The following USP32 variants were observed in gnomAD, a reference collection of about 807,000 sequenced individuals.
USP32 encodes ubiquitin specific peptidase 32.
USP32 carries 59 observed loss-of-function variants against 204.8 expected under a neutral mutation model. That is an observed-to-expected ratio of 0.29 (90% CI 0.23 to 0.36). The LOEUF (loss-of-function observed/expected upper bound fraction) is 0.36, where lower values mean the gene tolerates loss of function less well. USP32 is among the 10% of genes least tolerant of loss of function. The pLI, the probability that USP32 is intolerant of heterozygous loss-of-function variation, is 1.00. For missense variants in USP32, 1,160 were observed against 1,946.4 expected (o/e 0.60, Z 7.60); for synonymous variants, 517 against 678.4 (o/e 0.76, Z 3.70).
chr17:60,414,591 G>C (rs1028236899), intron 1 of USP32, among the ~76,000 whole-genome samples: 3 of 151,490 alleles, frequency 2.0e-5, no homozygotes, highest in Non-Finnish European at 2.9e-5. Flanking sequence ...ACCAGGCCCG[G>C]CTAATTTTTG....
chr17:60,387,648 G>A (rs1472804179), intron 1 of USP32, among the ~76,000 whole-genome samples: 2 of 152,038 alleles, frequency 1.3e-5, no homozygotes, highest in East Asian at 3.8e-4. Flanking sequence ...CTATGAATAG[G>A]CTTACATTCT....
intron 11 of USP32, chr17:60,245,379 G>A: frequency 2.5e-6 from 1 of 406,998 alleles, no homozygotes; most frequent in African/African-American, 2.2e-5. Context: ...AGTTCTTGGA[G>A]GAAACACTGT....
chr17:60,223,612 C>T (rs763883309), intron 13 of USP32, 26 bp from the exon 14 acceptor site: 1 of 1,570,740 alleles, frequency 6.4e-7, no homozygotes, highest in South Asian at 1.2e-5. Flanking sequence ...AGGATAGAAT[C>T]TCTTATTTTT....
intron 2 of USP32, among the ~76,000 whole-genome samples, chr17:60,336,731 G>GA (rs1445334168): frequency 7.0e-6 from 1 of 142,998 alleles, no homozygotes; most frequent in Non-Finnish European, 1.5e-5. Context: ...AAAAAAAAAA[G>GA]AAAAAAAAGA....
At chr17:60,385,554 T>C (rs1246462908) in intron 1 of USP32, among the ~76,000 whole-genome samples, 1 of 149,966 alleles carries the variant, frequency 6.7e-6, no homozygotes, top group Non-Finnish European at 1.5e-5. Context: ...CAAAAATAAA[T>C]AAATAGGCCA....
intron 2 of USP32, among the ~76,000 whole-genome samples, chr17:60,320,954 T>G (rs2145939859): frequency 6.6e-6 from 1 of 152,192 alleles, no homozygotes; most frequent in Non-Finnish European, 1.5e-5. Context: ...TCTCATTGCT[T>G]TTTTTCCCCC....
chr17:60,250,236 G>A (rs1294846143), intron 11 of USP32, among the ~76,000 whole-genome samples: 2 of 152,054 alleles, frequency 1.3e-5, no homozygotes, highest in African/African-American at 4.8e-5. Flanking sequence ...ATTTCATGCA[G>A]TTATTCTAAG....
chr17:60,336,692 G>C (rs1252192051), intron 2 of USP32, among the ~76,000 whole-genome samples: 1 of 144,458 alleles, frequency 6.9e-6, no homozygotes, highest in Admixed American at 6.8e-5. Flanking sequence ...CTCCAGCCTG[G>C]GAGACAGAGC....
intron 1 of USP32, among the ~76,000 whole-genome samples, chr17:60,372,079 G>A (rs2089452590): frequency 6.6e-6 from 1 of 152,174 alleles, no homozygotes. Context: ...AGTGGCTAAG[G>A]TGGAAGGAAG....
At chr17:60,246,566 G>C (rs2086033233) in intron 11 of USP32, among the ~76,000 whole-genome samples, 1 of 152,056 alleles carries the variant, frequency 6.6e-6, no homozygotes, top group Non-Finnish European at 1.5e-5. Flanking sequence ...CCCAGCAGTG[G>C]GATCGCTGGA....
In USP32 at chr17:60,181,594, G is replaced by C. The variant is rs746307880; in HGVS notation, c.4278C>G (p.Asn1426Lys). 1.9e-6 allele frequency: 3 copies of C among 1,613,898 alleles called. No homozygotes were observed. Among genetic ancestry groups the C allele is most frequent in the Non-Finnish European group, 2.5e-6 (3 of 1,179,876 alleles). Reference protein sequence around the residue: ...SKNKLSSSKENLDASKENGAG... With the variant: ...SKNKLSSSKEKLDASKENGAG... ...CCCCATTTTCTTTGCTGGCATCCAA[G>C]TTCTCTTTACTACTTGACAGTTTAT... is the stretch of plus-strand genomic sequence containing the variant. Residue 1426 changes from asparagine (N) to lysine (K), a missense_variant, in exon 32 of 34, where the codon AAC becomes AAG. Asn to Lys is a moderately conservative substitution (Grantham distance 94, BLOSUM62 0). Around this residue, in one of 8 missense-constraint regions of USP32, gnomAD observed 244 missense variants for 342.3 expected, o/e 0.71. Coordinates refer to ENST00000300896, the MANE Select transcript of USP32 (RefSeq NM_032582.4).
At position 60,245,565 on chromosome 17, in the gene USP32, T is replaced by C. The variant is rs2085997643; in HGVS notation, c.1136+6816A>G. ...CTGTCAGTTACACTTAGTTTTGACA[T>C]ATCAGTGTAACTGGTGCTGGATGAA... On this transcript the variant is annotated intron_variant, in intron 11 of 33. Transcript: ENST00000300896. The C allele has an allele frequency of 9.6e-6, 3 of 312,610 alleles. No homozygotes were observed. In the Middle Eastern group the frequency reaches 2.2e-3, roughly 224 times the overall value. The allele number at this position is 312,610 out of a possible 1,614,324, so 19.4% of individuals were successfully genotyped here.
intron 10 of USP32, among the ~76,000 whole-genome samples, chr17:60,254,636 C>T: frequency 6.6e-6 from 1 of 152,070 alleles, no homozygotes; most frequent in South Asian, 2.1e-4. Flanking sequence ...GCAGTCAAGG[C>T]TGCAGTGAGC....
chr17:60,253,424 A>G (rs1384598402), intron 10 of USP32, among the ~76,000 whole-genome samples: 1 of 152,108 alleles, frequency 6.6e-6, no homozygotes, highest in African/African-American at 2.4e-5. Flanking sequence ...TAAAAAAAAA[A>G]AAGCCTACAG....
At chr17:60,416,855 A>C (rs2090065821) in intron 1 of USP32, among the ~76,000 whole-genome samples, 1 of 152,050 alleles carries the variant, frequency 6.6e-6, no homozygotes, top group Admixed American at 6.6e-5. Context: ...GGGGATATAT[A>C]TACACACACA....
intron 2 of USP32, among the ~76,000 whole-genome samples, chr17:60,334,093 T>G (rs1447941338): frequency 6.6e-6 from 1 of 152,230 alleles, no homozygotes; most frequent in African/African-American, 2.4e-5. Flanking sequence ...AGTGCTCATA[T>G]GGAGATGATT....
intron 4 of USP32, 80 bp from the exon 5 acceptor site, chr17:60,288,762 A>C: frequency 8.0e-7 from 1 of 1,243,560 alleles, no homozygotes; most frequent in Non-Finnish European, 1.1e-6. Context: ...TGAAATTTGC[A>C]ATTAGTTGGC....
intron 1 of USP32, chr17:60,421,716 G>A: frequency 2.5e-6 from 2 of 802,052 alleles, no homozygotes; most frequent in African/African-American, 1.9e-5. Flanking sequence ...GCCCTGCCCG[G>A]CCAACTCAGA....
rs373843469 is a variant in USP32 at position 60,295,825 on chromosome 17, T to C, written c.293-1024A>G. The stretch of plus-strand genomic sequence containing the variant: ...TTAATCTTTATCATAGATACATATG[T>C]ATAGGAAGAAACGGTATATATAGGG... On this transcript the variant is annotated intron_variant, in intron 3 of 33. Transcript: ENST00000300896. Among the ~76,000 whole-genome samples, 101 of 152,290 alleles carry C rather than the reference T, an allele frequency of 6.6e-4. 2 individuals are homozygous for C. In the South Asian group the frequency reaches 0.02, roughly 31 times the overall value.
Sources: allele counts gnomAD v4.1 joint callset (sites outside exome capture counted in the v4.1 genomes callset), GRCh38; gene constraint gnomAD v4.1.1; regional missense constraint gnomAD v4.1.1; transcripts MANE v1.5; gene names NCBI Gene and HGNC (gene_info 2026-07-23, HGNC 2026-07-21).